The following ZMAT4 variants were observed in gnomAD, a reference collection of about 807,000 sequenced individuals.
ZMAT4 encodes the protein zinc finger matrin-type 4.
In ZMAT4, 17 loss-of-function variants were observed where a neutral mutation model predicts 28.7. That is an observed-to-expected ratio of 0.59 (90% CI 0.41 to 0.89). The LOEUF is 0.89. Ranked by LOEUF, ZMAT4 falls within the 40% of genes least tolerant of loss-of-function variation. The probability of loss-of-function intolerance (pLI) is 0.00; values close to 1 mark genes in which losing one functional copy is unlikely to be tolerated. For synonymous variants in ZMAT4, 117 were observed against 109.2 expected, an observed-to-expected ratio of 1.07 and a Z score of -0.44; for missense variants, 240 against 283.8, an observed-to-expected ratio of 0.85 and a Z score of 1.11.
intron 3 of ZMAT4, among the ~76,000 whole-genome samples, chr8:40,750,009 A>T (rs1470010903): frequency 6.6e-6 from 1 of 152,208 alleles, no homozygotes; most frequent in Non-Finnish European, 1.5e-5. Flanking sequence ...CCAAAAAGAC[A>T]ATTTACTGCA....
chr8:40,786,317 T>A (rs1814078320), intron 2 of ZMAT4, among the ~76,000 whole-genome samples: 1 of 152,198 alleles, frequency 6.6e-6, no homozygotes, highest in African/African-American at 2.4e-5. Flanking sequence ...CTATTAATAT[T>A]CGTAGGCTTT....
At chr8:40,648,992 G>T (rs10103631) in intron 5 of ZMAT4, among the ~76,000 whole-genome samples, 41,503 of 141,408 alleles carry the variant, frequency 0.29, 6,265 homozygotes, top group Admixed American at 0.39. Context: ...AAAGACCATC[G>T]AGACTAGGAA....
chr8:40,651,011 T>C (rs1238188822), intron 5 of ZMAT4, among the ~76,000 whole-genome samples: 1 of 150,860 alleles, frequency 6.6e-6, no homozygotes, highest in African/African-American at 2.4e-5. Context: ...CTTTGAAAAC[T>C]GGCACAAGAC....
intron 1 of ZMAT4, among the ~76,000 whole-genome samples, chr8:40,826,047 C>T (rs1816027157): frequency 2.0e-5 from 3 of 152,098 alleles, no homozygotes; most frequent in South Asian, 4.1e-4. Flanking sequence ...TCACTTGAGG[C>T]CAAGAGTTTG....
At chr8:40,785,273 C>A (rs1334046101) in intron 2 of ZMAT4, among the ~76,000 whole-genome samples, 2 of 152,344 alleles carry the variant, frequency 1.3e-5, no homozygotes, top group South Asian at 2.1e-4. Context: ...CTCTCATTGT[C>A]TTGGCCACAT....
chr8:40,825,497 G>A (rs1816000103), intron 2 of ZMAT4, 78 bp downstream of exon 2: 1 of 1,235,420 alleles, frequency 8.1e-7, no homozygotes, highest in Non-Finnish European at 1.1e-6. Flanking sequence ...TCCAGAAGGA[G>A]GATCCTGGAG....
intron 2 of ZMAT4, among the ~76,000 whole-genome samples, chr8:40,783,819 C>T (rs1246354642): frequency 6.6e-6 from 1 of 151,762 alleles, no homozygotes; most frequent in Admixed American, 6.6e-5. Flanking sequence ...GAGACCAGCC[C>T]GGCCAACATG....
At chr8:40,564,235 C>A (rs566879930) in intron 6 of ZMAT4, among the ~76,000 whole-genome samples, 1 of 152,204 alleles carries the variant, frequency 6.6e-6, no homozygotes, top group African/African-American at 2.4e-5. Flanking sequence ...GGAATGTGTT[C>A]ATGTAGGAGA....
intron 1 of ZMAT4, among the ~76,000 whole-genome samples, chr8:40,835,896 CT>C (rs1411728672): frequency 6.6e-6 from 1 of 152,190 alleles, no homozygotes; most frequent in Admixed American, 6.5e-5. Flanking sequence ...CTGCTCGGTG[CT>C]GATTTGTCTC....
intron 3 of ZMAT4, among the ~76,000 whole-genome samples, chr8:40,720,528 T>C (rs1025813894): frequency 3.4e-5 from 5 of 148,010 alleles, no homozygotes; most frequent in African/African-American, 7.5e-5. Flanking sequence ...AGAATCTTTT[T>C]TTTTTTTTTT....
intron 2 of ZMAT4, among the ~76,000 whole-genome samples, chr8:40,784,432 G>T (rs186191866): frequency 1.2e-4 from 19 of 152,074 alleles, no homozygotes; most frequent in Admixed American, 3.3e-4. Context: ...CTCCATACAG[G>T]TTATATGAAA....
intron 3 of ZMAT4, among the ~76,000 whole-genome samples, chr8:40,730,963 G>A (rs1811510770): frequency 6.6e-6 from 1 of 152,144 alleles, no homozygotes; most frequent in African/African-American, 2.4e-5. Flanking sequence ...TCATCTCCCA[G>A]CCACAGCCCC....
intron 1 of ZMAT4, among the ~76,000 whole-genome samples, chr8:40,855,533 G>T (rs193116545): frequency 6.6e-6 from 1 of 152,042 alleles, no homozygotes; most frequent in Non-Finnish European, 1.5e-5. Flanking sequence ...TCCAAACCAG[G>T]TCTCATGGAA....
intron 3 of ZMAT4, among the ~76,000 whole-genome samples, chr8:40,740,909 T>C (rs974537764): frequency 1.3e-5 from 2 of 152,124 alleles, no homozygotes; most frequent in Non-Finnish European, 1.5e-5. Flanking sequence ...ATCTACTTTA[T>C]ACATTCTTGA....
intron 1 of ZMAT4, among the ~76,000 whole-genome samples, chr8:40,845,718 A>G (rs992274569): frequency 5.3e-5 from 8 of 150,468 alleles, no homozygotes; most frequent in African/African-American, 2.0e-4. Context: ...AAAAAAAAAA[A>G]TTTTTAGAAG....
intron 3 of ZMAT4, among the ~76,000 whole-genome samples, chr8:40,713,483 C>A (rs1397174351): frequency 6.6e-6 from 1 of 150,980 alleles, no homozygotes; most frequent in African/African-American, 2.4e-5. Context: ...AAGCAAATGG[C>A]AAAAAAATAT....
intron 5 of ZMAT4, among the ~76,000 whole-genome samples, chr8:40,650,359 T>TCCCAAGA (rs1184062260): frequency 1.4e-4 from 21 of 145,234 alleles, no homozygotes; most frequent in African/African-American, 5.3e-4. Context: ...ACATACACTC[T>TCCCAAGA]CCCAAGACTA....
chr8:40,697,133 C>T, intron 4 of ZMAT4, 112 bp downstream of exon 4: 5 of 1,286,114 alleles, frequency 3.9e-6, no homozygotes, highest in Non-Finnish European at 5.3e-6. Context: ...TGAATGACGT[C>T]TACCATTAGG....
At chr8:40,871,812 T>C (rs868457849) in intron 1 of ZMAT4, among the ~76,000 whole-genome samples, 8 of 152,242 alleles carry the variant, frequency 5.3e-5, no homozygotes, top group African/African-American at 7.2e-5. Context: ...CATTCCCTCA[T>C]GCTCTTTTCT....
Sources: allele counts gnomAD v4.1 joint callset (sites outside exome capture counted in the v4.1 genomes callset), GRCh38; gene constraint gnomAD v4.1.1; transcripts MANE v1.5; gene names NCBI Gene and HGNC (gene_info 2026-07-23, HGNC 2026-07-21).